Variants in ZNF804B observed in about 807,000 individuals in gnomAD.
The protein encoded by ZNF804B is zinc finger 804B.
A neutral mutation model predicts 101.4 loss-of-function variants in ZNF804B; 80 were observed. That is an observed-to-expected ratio of 0.79 (90% CI 0.66 to 0.95). The LOEUF (loss-of-function observed/expected upper bound fraction) is 0.95, where lower values mean the gene tolerates loss of function less well. Ranked by LOEUF, ZNF804B falls within the 40% of genes least tolerant of loss-of-function variation. ZNF804B has a pLI of 0.00. For missense variants in ZNF804B, 1,673 were observed against 1,561.9 expected (o/e 1.07, Z -1.20); for synonymous variants, 622 against 558.8 (o/e 1.11, Z -1.59).
At chr7:89,218,339 C>A in intron 2 of ZNF804B, 44 bp downstream of exon 2, 1 of 1,606,384 alleles carries the variant, frequency 6.2e-7, no homozygotes, top group South Asian at 1.1e-5. Context: ...TGTATTTATA[C>A]CTTCAGAACA....
At chr7:89,077,003 C>G (rs548460006) in intron 1 of ZNF804B, among the ~76,000 whole-genome samples, 1 of 151,836 alleles carries the variant, frequency 6.6e-6, no homozygotes, top group African/African-American at 2.4e-5. Context: ...CTTCAATATT[C>G]GGTGACATAA....
intron 1 of ZNF804B, among the ~76,000 whole-genome samples, chr7:89,109,890 T>A (rs1790190036): frequency 3.3e-5 from 5 of 152,180 alleles, no homozygotes; most frequent in Admixed American, 2.0e-4. Flanking sequence ...TGATACACTT[T>A]TAACTTATTT....
chr7:89,065,523 C>T (rs1789444679), intron 1 of ZNF804B, among the ~76,000 whole-genome samples: 2 of 152,266 alleles, frequency 1.3e-5, no homozygotes, highest in South Asian at 4.1e-4. Flanking sequence ...GAAAGGGGCC[C>T]AGCAATTTAT....
intron 1 of ZNF804B, among the ~76,000 whole-genome samples, chr7:88,912,253 T>G (rs2115977646): frequency 6.6e-6 from 1 of 152,180 alleles, no homozygotes; most frequent in Middle Eastern, 3.4e-3. Flanking sequence ...TAGGCTATTT[T>G]TAATTGGCTT....
chr7:88,989,909 A>G, intron 1 of ZNF804B, among the ~76,000 whole-genome samples: 1 of 151,954 alleles, frequency 6.6e-6, no homozygotes, highest in Non-Finnish European at 1.5e-5. Flanking sequence ...TCATCTTTCT[A>G]TCTATTTATC....
chr7:88,794,123 T>C (rs753441105), intron 1 of ZNF804B: 148 of 1,416,876 alleles, frequency 1.0e-4, no homozygotes, highest in Non-Finnish European at 1.4e-4. Context: ...AAAAATGTTT[T>C]TTTTATTTAA....
intron 1 of ZNF804B, among the ~76,000 whole-genome samples, chr7:89,146,541 A>G (rs994746100): frequency 6.6e-6 from 1 of 152,112 alleles, no homozygotes; most frequent in African/African-American, 2.4e-5. Flanking sequence ...TCTTCCTAAA[A>G]TCTTTCAGAT....
intron 1 of ZNF804B, among the ~76,000 whole-genome samples, chr7:88,883,796 G>A (rs1792079000): frequency 7.4e-6 from 1 of 134,750 alleles, no homozygotes; most frequent in East Asian, 2.3e-4. Context: ...AGCACTGAAT[G>A]TGTGTATGTG....
intron 2 of ZNF804B, among the ~76,000 whole-genome samples, chr7:89,316,340 C>T (rs1584121167): frequency 6.6e-6 from 1 of 152,074 alleles, no homozygotes; most frequent in Non-Finnish European, 1.5e-5. Flanking sequence ...ATTTAAGTCA[C>T]AATGCTGACA....
At chr7:89,316,496 A>G (rs893228329) in intron 2 of ZNF804B, among the ~76,000 whole-genome samples, 1 of 151,942 alleles carries the variant, frequency 6.6e-6, no homozygotes, top group Admixed American at 6.6e-5. Context: ...TTTTTTGGGG[A>G]GATTGCAAAA....
intron 1 of ZNF804B, among the ~76,000 whole-genome samples, chr7:88,769,858 G>A (rs1790036374): frequency 1.3e-5 from 2 of 152,026 alleles, no homozygotes; most frequent in South Asian, 4.2e-4. Context: ...CCCTTCTCAG[G>A]CCAGTTAGGA....
chr7:88,860,867 C>CA (rs1303768332), intron 1 of ZNF804B, among the ~76,000 whole-genome samples: 1 of 152,142 alleles, frequency 6.6e-6, no homozygotes, highest in African/African-American at 2.4e-5. Flanking sequence ...AATAAAATAG[C>CA]ACCAGAATAT....
chr7:89,170,806 C>A (rs530279284), intron 1 of ZNF804B, among the ~76,000 whole-genome samples: 1 of 152,342 alleles, frequency 6.6e-6, no homozygotes, highest in Non-Finnish European at 1.5e-5. Flanking sequence ...CCACCACCAG[C>A]AGCACACTGC....
intron 1 of ZNF804B, among the ~76,000 whole-genome samples, chr7:89,119,174 A>C (rs1790361070): frequency 6.6e-6 from 1 of 152,188 alleles, no homozygotes; most frequent in Admixed American, 6.5e-5. Context: ...TGTCATCTTT[A>C]GTATCATTAA....
intron 1 of ZNF804B, among the ~76,000 whole-genome samples, chr7:88,835,238 A>G (rs1396099430): frequency 6.6e-6 from 1 of 151,852 alleles, no homozygotes; most frequent in Non-Finnish European, 1.5e-5. Flanking sequence ...TCACTTTTCT[A>G]TCTCTGTTGC....
intron 1 of ZNF804B, among the ~76,000 whole-genome samples, chr7:89,202,950 G>A (rs984637982): frequency 1.3e-5 from 2 of 151,986 alleles, no homozygotes; most frequent in Non-Finnish European, 2.9e-5. Flanking sequence ...GTAGCTAGAC[G>A]TATTCTAGAC....
At chr7:89,028,692 T>G (rs988455992) in intron 1 of ZNF804B, among the ~76,000 whole-genome samples, 1 of 152,186 alleles carries the variant, frequency 6.6e-6, no homozygotes, top group African/African-American at 2.4e-5. Flanking sequence ...ATGCTTTGTT[T>G]GTGCTGACCC....
intron 1 of ZNF804B, among the ~76,000 whole-genome samples, chr7:88,936,583 G>A (rs137862262): frequency 1.3e-5 from 2 of 152,164 alleles, no homozygotes; most frequent in Admixed American, 6.5e-5. Context: ...GCTTGTAAAT[G>A]ATTCTCTTTG....
At chr7:89,014,045 A>G (rs180970764) in intron 1 of ZNF804B, among the ~76,000 whole-genome samples, 24 of 152,150 alleles carry the variant, frequency 1.6e-4, no homozygotes, top group African/African-American at 5.1e-4. Context: ...TGATATTTTT[A>G]TTGCCTTCCT....
Sources: allele counts gnomAD v4.1 joint callset (sites outside exome capture counted in the v4.1 genomes callset), GRCh38; gene constraint gnomAD v4.1.1; transcripts MANE v1.5; gene names NCBI Gene and HGNC (gene_info 2026-07-23, HGNC 2026-07-21).